PTPRZ1: variants seen among roughly 807,000 people sequenced by gnomAD.
PTPRZ1 encodes the protein receptor-type tyrosine-protein phosphatase zeta.
PTPRZ1 carries 82 observed loss-of-function variants against 214.1 expected under a neutral mutation model. That is an observed-to-expected ratio of 0.38 (90% CI 0.32 to 0.46). The LOEUF is 0.46. PTPRZ1 is among the 20% of genes least tolerant of loss of function. PTPRZ1 has a pLI of 1.00. For missense variants in PTPRZ1, 2,603 were observed against 2,748.7 expected (o/e 0.95, Z 1.19); for synonymous variants, 945 against 987.9 (o/e 0.96, Z 0.81).
intron 12 of PTPRZ1, among the ~76,000 whole-genome samples, chr7:122,014,851 C>T (rs1465203979): frequency 6.6e-6 from 1 of 151,810 alleles, no homozygotes; most frequent in Non-Finnish European, 1.5e-5. Flanking sequence ...CTTAATGTTG[C>T]CTAAAGAGGG....
chr7:121,981,545 C>G (rs1797612422), intron 6 of PTPRZ1, among the ~76,000 whole-genome samples: 1 of 152,144 alleles, frequency 6.6e-6, no homozygotes, highest in African/African-American at 2.4e-5. Flanking sequence ...AGATTGCTGC[C>G]TACATGAGTG....
intron 2 of PTPRZ1, among the ~76,000 whole-genome samples, chr7:121,946,225 A>G (rs1796370029): frequency 1.3e-5 from 2 of 152,210 alleles, no homozygotes; most frequent in East Asian, 3.8e-4. Flanking sequence ...GTTCAACTAT[A>G]TAGAGCCACT....
chr7:122,025,315 CTT>C (rs1456100459), intron 13 of PTPRZ1, among the ~76,000 whole-genome samples: 1 of 148,546 alleles, frequency 6.7e-6, no homozygotes, highest in Non-Finnish European at 1.5e-5. Context: ...TCAAAACAGT[CTT>C]TTCTTTTTTT....
At chr7:121,987,943 C>G (rs1467204071) in intron 8 of PTPRZ1, among the ~76,000 whole-genome samples, 1 of 152,188 alleles carries the variant, frequency 6.6e-6, no homozygotes, top group Non-Finnish European at 1.5e-5. Flanking sequence ...ACCTCATGTT[C>G]TCACTTATAA....
chr7:122,051,949 A>G lies in PTPRZ1; in HGVS notation c.6252+10A>G. 1.9e-6 allele frequency: 3 copies of G among 1,589,508 alleles called. No homozygotes were observed. Among genetic ancestry groups the G allele is most frequent in the South Asian group, 1.2e-5 (1 of 86,442 alleles). ...TGCCTCCTATATCATGGTAAGTCAG[A>G]GAAGTCACTGAGGAGACTGCCAGCT... On this transcript the variant is annotated intron_variant, in intron 25 of 29. Transcript: ENST00000393386.
At chr7:121,951,253 T>C (rs1796532960) in intron 2 of PTPRZ1, among the ~76,000 whole-genome samples, 1 of 152,248 alleles carries the variant, frequency 6.6e-6, no homozygotes, top group South Asian at 2.1e-4. Flanking sequence ...AGGATACTGC[T>C]GTCTTCTTGG....
In PTPRZ1 at chr7:122,011,158, A is replaced by G; in HGVS notation, c.2112A>G (p.Ser704=). The change falls in exon 12 of 30, where the codon TCA becomes TCG. Residue 704 remains serine (S), a synonymous_variant. Coordinates refer to ENST00000393386, the MANE Select transcript of PTPRZ1 (RefSeq NM_002851.3). ...SAGPVMSQGP[S]VTDLEMPHYS... ...GCCCAGTGATGTCACAGGGTCCCTC[A>G]GTTACAGATCTGGAAATGCCACATT... 2 of 1,614,084 alleles carry G rather than the reference A, an allele frequency of 1.2e-6. No homozygotes were observed. The highest frequency in any genetic ancestry group is 1.7e-6 in the Non-Finnish European group (2 of 1,179,958).
At chr7:121,931,930 G>C (rs1795938007) in intron 2 of PTPRZ1, among the ~76,000 whole-genome samples, 2 of 152,126 alleles carry the variant, frequency 1.3e-5, no homozygotes, top group South Asian at 4.1e-4. Context: ...ATTTGTTGTA[G>C]GGGGGTGGGG....
In PTPRZ1 at chr7:122,051,427, G is replaced by A; in HGVS notation, c.6085-1G>A. On this transcript the variant is annotated splice_acceptor_variant, in intron 23 of 29. Transcript: ENST00000393386. LOFTEE classifies it high-confidence loss of function. ...ATATATTTTTTTACTTTCTTGCCCA[G>A]CTCCTGAGCCAGTCAAATATACAGC... The A allele has an allele frequency of 6.2e-7, 1 of 1,611,420 alleles. No homozygotes were observed. The highest frequency in any genetic ancestry group is 1.1e-5 in the South Asian group (1 of 90,614).
chr7:122,058,817 A>G lies in PTPRZ1; in HGVS notation c.6546A>G (p.Glu2182=). ...TGTTATAGGATGATTATGTACTTGA[A>G]GTGAGGCACTTTCAGTGTCCTAAAT... ...LEATQDDYVL[E]VRHFQCPKWP... Residue 2182 remains glutamate (E), a synonymous_variant, in exon 28 of 30, where the codon GAA becomes GAG. Transcript: ENST00000393386. The G allele has an allele frequency of 1.2e-6, 2 of 1,606,674 alleles. No individual in the cohort carries two copies. The highest frequency in any genetic ancestry group is 2.2e-5 in the South Asian group (2 of 90,820).
At chr7:121,995,387 T>TG (rs1798102044) in intron 8 of PTPRZ1, among the ~76,000 whole-genome samples, 1 of 152,202 alleles carries the variant, frequency 6.6e-6, no homozygotes, top group African/African-American at 2.4e-5. Context: ...CCCTCTGCTT[T>TG]GCAAATCTGG....
intron 10 of PTPRZ1, among the ~76,000 whole-genome samples, chr7:122,004,045 A>C (rs1224101552): frequency 6.6e-6 from 1 of 152,024 alleles, no homozygotes; most frequent in African/African-American, 2.4e-5. Context: ...GCTGGAAAAC[A>C]CTCTTCATTT....
chr7:121,955,814 C>T (rs1796688791), intron 2 of PTPRZ1, among the ~76,000 whole-genome samples: 1 of 152,168 alleles, frequency 6.6e-6, no homozygotes, highest in Admixed American at 6.5e-5. Flanking sequence ...GCAACAAGAA[C>T]TCTCTGTTGT....
Position 122,059,783 on chromosome 7 carries a change from T to C in PTPRZ1, c.6702T>C (p.Cys2234=), listed in dbSNP as rs1792508947. ...GAGGAGTGACGGCAGGAACTTTCTG[T>C]GCTCTGACAACCCTTATGCACCAAC... ...EHGGVTAGTF[C]ALTTLMHQLE... The change falls in exon 29 of 30, where the codon TGT becomes TGC. Residue 2234 remains cysteine (C), a synonymous_variant. Transcript: ENST00000393386. 2 of 1,612,832 alleles carry C rather than the reference T, an allele frequency of 1.2e-6. No homozygotes were observed. Among genetic ancestry groups the C allele is most frequent in the Admixed American group, 3.3e-5 (2 of 59,804 alleles).
chr7:121,876,266 G>A (rs967009387), intron 1 of PTPRZ1, among the ~76,000 whole-genome samples: 1 of 152,174 alleles, frequency 6.6e-6, no homozygotes, highest in African/African-American at 2.4e-5. Context: ...TGGCTTTCCT[G>A]TAAGGAGGCT....
intron 18 of PTPRZ1, among the ~76,000 whole-genome samples, chr7:122,037,096 C>A (rs1311462734): frequency 6.6e-6 from 1 of 151,966 alleles, no homozygotes; most frequent in Non-Finnish European, 1.5e-5. Flanking sequence ...CACGGTGAAA[C>A]CCCATCTCTA....
intron 17 of PTPRZ1, among the ~76,000 whole-genome samples, chr7:122,036,208 G>A (rs941926066): frequency 3.9e-5 from 6 of 151,988 alleles, no homozygotes; most frequent in Non-Finnish European, 7.4e-5. Context: ...TTATCTCTTC[G>A]AGAAGCTCTC....
At chr7:122,024,618 G>A (rs1185561458) in intron 13 of PTPRZ1, among the ~76,000 whole-genome samples, 13 of 151,424 alleles carry the variant, frequency 8.6e-5, no homozygotes, top group African/African-American at 2.9e-4. Flanking sequence ...TTACTTACAA[G>A]CTTTTTGGTA....
At chr7:122,045,679 A>G (rs1799870528) in intron 23 of PTPRZ1, among the ~76,000 whole-genome samples, 1 of 96,850 alleles carries the variant, frequency 1.0e-5, no homozygotes, top group Admixed American at 1.0e-4. Flanking sequence ...TTCCCTAAAT[A>G]AATTACACAC....
Sources: allele counts gnomAD v4.1 joint callset (sites outside exome capture counted in the v4.1 genomes callset), GRCh38; gene constraint gnomAD v4.1.1; transcripts MANE v1.5; gene names NCBI Gene and HGNC (gene_info 2026-07-23, HGNC 2026-07-21).